ADGRG6: variants seen among roughly 807,000 people sequenced by gnomAD.
ADGRG6 encodes G-protein coupled receptor 126.
ADGRG6 carries 84 observed loss-of-function variants against 142.4 expected under a neutral mutation model. The observed-to-expected ratio is 0.59, with a 90% CI of 0.49 to 0.71. ADGRG6 has a LOEUF of 0.71. Ranked by LOEUF, ADGRG6 falls within the 30% of genes least tolerant of loss-of-function variation. ADGRG6 has a pLI of 0.00. For missense variants in ADGRG6, 1,367 were observed against 1,466.6 expected, an observed-to-expected ratio of 0.93 and a Z score of 1.11; for synonymous variants, 521 against 520.5, an observed-to-expected ratio of 1.00 and a Z score of -0.01.
rs982537238 is a variant in ADGRG6 at position 142,405,647 on chromosome 6, A to G, written c.2128-41A>G. 26 of 1,532,474 alleles carry G rather than the reference A, an allele frequency of 1.7e-5. No homozygotes were observed. In the Middle Eastern group the frequency reaches 6.8e-4, roughly 40 times the overall value. The allele number at this position is 1,532,474 out of a possible 1,614,324, so 94.9% of individuals were successfully genotyped here. A position where few individuals can be genotyped will look rare whatever the true frequency, so the allele number is the denominator to read the frequency against. ...TGTGGAATAAAGTTATTACCATTCA[A>G]TTATGATTACTTGACCAATATATCT... On this transcript the variant is annotated intron_variant, in intron 14 of 24. Coordinates refer to ENST00000367609, the MANE Select transcript of ADGRG6 (RefSeq NM_198569.3).
chr6:142,312,312 C>G (rs891601624), intron 2 of ADGRG6, among the ~76,000 whole-genome samples: 18 of 151,898 alleles, frequency 1.2e-4, no homozygotes, highest in African/African-American at 4.4e-4. Flanking sequence ...ATTAAGTTTG[C>G]TAGTAGGTAA....
chr6:142,323,405 T>A (rs1027049688), intron 2 of ADGRG6, among the ~76,000 whole-genome samples: 19 of 152,174 alleles, frequency 1.2e-4, no homozygotes, highest in Admixed American at 3.9e-4. Flanking sequence ...TCTGATCTCA[T>A]TCCTTAGTTT....
intron 7 of ADGRG6, among the ~76,000 whole-genome samples, chr6:142,390,811 C>T (rs1234277694): frequency 6.6e-6 from 1 of 151,764 alleles, no homozygotes; most frequent in Non-Finnish European, 1.5e-5. Flanking sequence ...TTAGTTTTCT[C>T]CGCTTTTTTC....
At position 142,443,761 on chromosome 6, in the gene ADGRG6, T is replaced by G; in HGVS notation, c.*246T>G. 1 of 351,140 alleles carries G rather than the reference T, an allele frequency of 2.8e-6. No individual in the cohort carries two copies. The highest frequency in any genetic ancestry group is 5.2e-5 in the South Asian group (1 of 19,402). 21.8% of individuals were successfully genotyped at this position (351,140 alleles called of 1,614,324 possible). A position where few individuals can be genotyped will look rare whatever the true frequency, so the allele number is the denominator to read the frequency against. On this transcript the variant is annotated 3_prime_UTR_variant, in exon 25 of 25. Transcript: ENST00000367609. ...GACTCAGTAGCCACAGAAGCTATGATTTGTAAAATATATAATTGAATCAGA... is the reference window on the plus strand; with the variant it reads ...GACTCAGTAGCCACAGAAGCTATGAGTTGTAAAATATATAATTGAATCAGA...
At chr6:142,393,118 A>T in intron 8 of ADGRG6, 118 bp downstream of exon 8, 1 of 584,702 alleles carries the variant, frequency 1.7e-6, no homozygotes. Context: ...TACTATATAC[A>T]TAATCTTTCT....
intron 1 of ADGRG6, among the ~76,000 whole-genome samples, chr6:142,306,362 G>A (rs9399398): frequency 0.14 from 20,828 of 152,082 alleles, 2,365 homozygotes; most frequent in East Asian, 0.62. Flanking sequence ...CAGGACTAAA[G>A]CAAATTGTAT....
chr6:142,402,143 C>T (rs968906773), intron 12 of ADGRG6, 85 bp downstream of exon 12: 1 of 692,982 alleles, frequency 1.4e-6, no homozygotes, highest in Middle Eastern at 2.5e-4. Context: ...CGAGAATATT[C>T]TTCTGCTCTG....
At chr6:142,409,425 G>A (rs1210391163) in intron 16 of ADGRG6, among the ~76,000 whole-genome samples, 2 of 152,004 alleles carry the variant, frequency 1.3e-5, no homozygotes, top group African/African-American at 4.8e-5. Context: ...TAGACGCTTG[G>A]GTTGCTTCTA....
intron 1 of ADGRG6, among the ~76,000 whole-genome samples, chr6:142,305,275 C>A (rs976148837): frequency 3.9e-5 from 6 of 152,036 alleles, no homozygotes; most frequent in African/African-American, 1.4e-4. Flanking sequence ...TTTTAGAAAT[C>A]ATTTTAAATC....
intron 2 of ADGRG6, among the ~76,000 whole-genome samples, chr6:142,323,171 G>T (rs1778600491): frequency 2.0e-5 from 3 of 148,232 alleles, no homozygotes; most frequent in South Asian, 2.2e-4. Flanking sequence ...GCTATTGATT[G>T]AAGCAAACTA....
At chr6:142,420,840 G>T (rs1776626270) in intron 22 of ADGRG6, among the ~76,000 whole-genome samples, 1 of 152,086 alleles carries the variant, frequency 6.6e-6, no homozygotes, top group Non-Finnish European at 1.5e-5. Context: ...ATCATTAAAT[G>T]GAATTCTTTA....
Position 142,405,721 on chromosome 6 carries a change from G to A in ADGRG6, c.2161G>A (p.Ala721Thr), listed in dbSNP as rs1775770436. 1 of 1,607,260 alleles carries A rather than the reference G, an allele frequency of 6.2e-7. No individual in the cohort carries two copies. The highest frequency in any genetic ancestry group is 8.5e-7 in the Non-Finnish European group (1 of 1,174,564). Residue 721 changes from alanine to threonine, a missense_variant, in exon 15 of 25, where the codon GCA becomes ACA. Transcript: ENST00000367609. ...DFESGQVDPL[A>T]SVILPPNLLE... ...TGAGAGTGGACAAGTGGATCCACTGGCATCTGTAATTTTGCCTCCAAACTT... is the reference window on the plus strand; with the variant it reads ...TGAGAGTGGACAAGTGGATCCACTGACATCTGTAATTTTGCCTCCAAACTT...
At chr6:142,321,247 T>C (rs1040224512) in intron 2 of ADGRG6, among the ~76,000 whole-genome samples, 1 of 151,162 alleles carries the variant, frequency 6.6e-6, no homozygotes, top group African/African-American at 2.4e-5. Flanking sequence ...CATATTTCCT[T>C]TTTCATTACA....
intron 12 of ADGRG6, among the ~76,000 whole-genome samples, chr6:142,402,362 TTCTGGGAATGTTTC>T (rs1299581240): frequency 6.6e-6 from 1 of 152,126 alleles, no homozygotes; most frequent in African/African-American, 2.4e-5. Flanking sequence ...AATTCAGGGA[TTCTGGGAATGTTTC>T]TCTTAGAACT....
intron 2 of ADGRG6, among the ~76,000 whole-genome samples, chr6:142,341,522 TTATATAGTA>T (rs1324420520): frequency 2.5e-5 from 3 of 118,178 alleles, no homozygotes; most frequent in South Asian, 2.2e-4. Context: ...CTACATAATA[TTATATAGTA>T]TATATAGTAT....
Position 142,397,884 on chromosome 6 carries a change from A to G in ADGRG6, c.1567+129A>G, listed in dbSNP as rs1225717519. The G allele has an allele frequency of 1.8e-5, 10 of 545,716 alleles. No individual in the cohort carries two copies. In the African/African-American group the frequency reaches 2.0e-4, roughly 11 times the overall value. The allele number at this position is 545,716 out of a possible 1,614,324, so 33.8% of individuals were successfully genotyped here. ...AGTTTTTTTTCTGATGGTGAAGTTCAGTAACAAATGAATGACATAGCAGAA... is the reference window on the plus strand; with the variant it reads ...AGTTTTTTTTCTGATGGTGAAGTTCGGTAACAAATGAATGACATAGCAGAA... On this transcript the variant is annotated intron_variant, in intron 10 of 24. Transcript: ENST00000367609.
At chr6:142,395,800 C>T (rs903362572) in intron 9 of ADGRG6, among the ~76,000 whole-genome samples, 1 of 152,114 alleles carries the variant, frequency 6.6e-6, no homozygotes, top group Non-Finnish European at 1.5e-5. Context: ...TTTGTCAAAA[C>T]CACAGTCTAC....
intron 4 of ADGRG6, among the ~76,000 whole-genome samples, chr6:142,373,256 T>G (rs1266045626): frequency 6.6e-6 from 1 of 152,140 alleles, no homozygotes; most frequent in African/African-American, 2.4e-5. Context: ...GATATTAGAT[T>G]TAGTACCAGG....
chr6:142,304,286 A>G (rs1005951591), intron 1 of ADGRG6, among the ~76,000 whole-genome samples: 7 of 152,162 alleles, frequency 4.6e-5, no homozygotes, highest in African/African-American at 1.4e-4. Context: ...GTGTATTTGT[A>G]TATTGTTATA....
Sources: gnomAD v4.1 joint callset for allele counts (sites outside exome capture counted in the v4.1 genomes callset) on GRCh38, gnomAD v4.1.1 for gene constraint, MANE v1.5 for transcripts, NCBI Gene and HGNC (gene_info 2026-07-23, HGNC 2026-07-21) for gene names.